Variants in HMGA2 observed in about 807,000 individuals in gnomAD.
HMGA2 encodes the protein high mobility group AT-hook 2, also known as high mobility group protein HMGI-C.
In HMGA2, 8 loss-of-function variants were observed where a neutral mutation model predicts 19.1. The observed-to-expected ratio is 0.42, with a 90% CI of 0.25 to 0.76. HMGA2 has a LOEUF of 0.76. HMGA2 is among the 30% of genes least tolerant of loss of function. HMGA2 has a pLI of 0.28. For synonymous variants in HMGA2, 60 were observed against 48.8 expected, an observed-to-expected ratio of 1.23 and a Z score of -0.96; for missense variants, 109 against 136.3, an observed-to-expected ratio of 0.80 and a Z score of 1.00.
intron 3 of HMGA2, among the ~76,000 whole-genome samples, chr12:65,947,156 G>A (rs1222241786): frequency 3.3e-5 from 5 of 150,406 alleles, no homozygotes; most frequent in Non-Finnish European, 7.4e-5. Context: ...GTCTTGCTCC[G>A]TCACCCAGGC....
At chr12:65,853,767 T>G (rs1372936777) in intron 3 of HMGA2, among the ~76,000 whole-genome samples, 1 of 152,222 alleles carries the variant, frequency 6.6e-6, no homozygotes, top group Non-Finnish European at 1.5e-5. Flanking sequence ...GCTTGGCGCA[T>G]CGTGAGTGCT....
intron 1 of HMGA2, chr12:65,826,679 A>C (rs1009694848): frequency 2.6e-5 from 4 of 151,074 alleles, no homozygotes; most frequent in African/African-American, 9.8e-5. Context: ...GACACTTTAC[A>C]CCGCATTTGA....
chr12:65,837,416 T>A (rs891186104), intron 2 of HMGA2, among the ~76,000 whole-genome samples: 4 of 152,192 alleles, frequency 2.6e-5, no homozygotes, highest in Non-Finnish European at 5.9e-5. Flanking sequence ...CATTTGGCAG[T>A]GTAGACAGTC....
rs551638876 is a variant in HMGA2, at chr12:65,869,879, C to G, written c.249+31310C>G. Among the ~76,000 whole-genome samples the G allele has an allele frequency of 4.5e-4, 69 of 152,060 alleles. 2 individuals are homozygous for G. Among genetic ancestry groups the G allele is most frequent in the Admixed American group, 3.9e-3 (60 of 15,274 alleles). On this transcript the variant is annotated intron_variant, in intron 3 of 4. Transcript: ENST00000403681. ...AAAGTAATAAAACTGAATTTTGAAC[C>G]CAGGTTTGTCAGACTCTAAAGTCCA...
chr12:65,839,239 C>T (rs1327872202), intron 3 of HMGA2, among the ~76,000 whole-genome samples: 1 of 152,034 alleles, frequency 6.6e-6, no homozygotes, highest in Non-Finnish European at 1.5e-5. Context: ...TCAGTGGTCA[C>T]TGAAGAGCTT....
intron 3 of HMGA2, among the ~76,000 whole-genome samples, chr12:65,922,781 T>G (rs1037295674): frequency 6.6e-6 from 1 of 152,062 alleles, no homozygotes; most frequent in African/African-American, 2.4e-5. Context: ...CCATGTGTTG[T>G]GAGAAGGACC....
chr12:65,895,285 A>G (rs1326676551), intron 3 of HMGA2, among the ~76,000 whole-genome samples: 1 of 152,206 alleles, frequency 6.6e-6, no homozygotes, highest in Non-Finnish European at 1.5e-5. Context: ...GAAAGGTATT[A>G]CACTTAGGGG....
chr12:65,892,076 C>T (rs529740823), intron 3 of HMGA2, among the ~76,000 whole-genome samples: 53 of 152,294 alleles, frequency 3.5e-4, no homozygotes, highest in Non-Finnish European at 6.8e-4. Flanking sequence ...TCTGCCTCTG[C>T]GCCGACACTC....
chr12:65,881,597 G>C lies in HMGA2; in HGVS notation c.249+43028G>C, dbSNP rs138883170. 57 of 629,606 alleles carry C rather than the reference G, an allele frequency of 9.1e-5. No individual in the cohort carries two copies. In the African/African-American group the frequency reaches 9.6e-4, roughly 11 times the overall value. The allele number at this position is 629,606 out of a possible 1,614,324, so 39.0% of individuals were successfully genotyped here. A position where few individuals can be genotyped will look rare whatever the true frequency, so the allele number is the denominator to read the frequency against. On this transcript the variant is annotated intron_variant, in intron 3 of 4. Transcript: ENST00000403681. Reference sequence around the variant, plus strand: ...GTTATGACTGGAACTGTCCTGGCCTGAGTATTGTCCTGGACCCAGAGGGAG... The same window carrying C: ...GTTATGACTGGAACTGTCCTGGCCTCAGTATTGTCCTGGACCCAGAGGGAG...
intron 3 of HMGA2, among the ~76,000 whole-genome samples, chr12:65,947,084 G>A (rs989126175): frequency 1.3e-5 from 2 of 151,762 alleles, no homozygotes; most frequent in African/African-American, 4.8e-5. Flanking sequence ...TAAGCTTCAC[G>A]TGGTATGTTC....
chr12:65,939,421 T>C (rs1876009447), intron 3 of HMGA2, among the ~76,000 whole-genome samples: 1 of 152,104 alleles, frequency 6.6e-6, no homozygotes, highest in Non-Finnish European at 1.5e-5. Context: ...AGTGGCGTGA[T>C]CTCGGCTCAC....
At chr12:65,927,493 T>C (rs1245207378) in intron 3 of HMGA2, among the ~76,000 whole-genome samples, 2 of 152,156 alleles carry the variant, frequency 1.3e-5, no homozygotes, top group Non-Finnish European at 2.9e-5. Flanking sequence ...TGATAGAAAA[T>C]TGGTAATTAG....
rs181353657 is a variant in HMGA2, at chr12:65,867,854, T to G, written c.249+29285T>G. 1.1e-4 allele frequency: 19 copies of G among 165,580 alleles called. No homozygotes were observed. The East Asian group carries it at 2.7e-3, about 23-fold the overall frequency. The allele number at this position is 165,580 out of a possible 1,614,324, so 10.3% of individuals were successfully genotyped here. A position where few individuals can be genotyped will look rare whatever the true frequency, so the allele number is the denominator to read the frequency against. On this transcript the variant is annotated intron_variant, in intron 3 of 4. Coordinates refer to ENST00000403681, the MANE Select transcript of HMGA2 (RefSeq NM_003483.6). Reference sequence around the variant, plus strand: ...CTTACACATTCCCAGAAGACCCACATTCCTCATTGGGCTCTCTGTAACAGT... The same window carrying G: ...CTTACACATTCCCAGAAGACCCACAGTCCTCATTGGGCTCTCTGTAACAGT...
At chr12:65,832,886 A>G (rs1385202755) in intron 2 of HMGA2, among the ~76,000 whole-genome samples, 1 of 151,998 alleles carries the variant, frequency 6.6e-6, no homozygotes, top group Non-Finnish European at 1.5e-5. Flanking sequence ...ATTGCTATTG[A>G]TTTTTATGAT....
intron 3 of HMGA2, among the ~76,000 whole-genome samples, chr12:65,909,955 G>A (rs10878344): frequency 0.24 from 36,204 of 152,076 alleles, 5,547 homozygotes; most frequent in African/African-American, 0.42. Context: ...CATGCACATC[G>A]TCTTGGATGT....
At chr12:65,959,293 G>C (rs1876684713) in intron 4 of HMGA2, among the ~76,000 whole-genome samples, 2 of 152,072 alleles carry the variant, frequency 1.3e-5, no homozygotes, top group South Asian at 4.1e-4. Context: ...CTATATTTCT[G>C]GGTTTTAGTG....
At chr12:65,881,042 G>A (rs1482328887) in intron 3 of HMGA2, among the ~76,000 whole-genome samples, 1 of 152,164 alleles carries the variant, frequency 6.6e-6, no homozygotes, top group East Asian at 1.9e-4. Context: ...CTTGTTTTCT[G>A]GGTGGCATGT....
intron 3 of HMGA2, among the ~76,000 whole-genome samples, chr12:65,909,383 A>C (rs1163954406): frequency 6.6e-6 from 1 of 151,902 alleles, no homozygotes; most frequent in African/African-American, 2.4e-5. Flanking sequence ...TTTTTTTTTA[A>C]TCTCTGATTT....
intron 3 of HMGA2, chr12:65,882,148 C>A (rs1425887791): frequency 7.3e-6 from 3 of 409,194 alleles, no homozygotes; most frequent in Non-Finnish European, 1.4e-5. Context: ...GCTGGGCAGG[C>A]GGCGAGGTCT....
Sources: gnomAD v4.1 joint callset for allele counts (sites outside exome capture counted in the v4.1 genomes callset) on GRCh38, gnomAD v4.1.1 for gene constraint, MANE v1.5 for transcripts, NCBI Gene and HGNC (gene_info 2026-07-23, HGNC 2026-07-21) for gene names.